The following MFSD1 variants were observed in gnomAD, a reference collection of about 807,000 sequenced individuals.
The protein encoded by MFSD1 is major facilitator superfamily domain containing 1, also known as lysosomal dipeptide transporter MFSD1.
MFSD1 carries 59 observed loss-of-function variants against 67.1 expected under a neutral mutation model. The observed-to-expected ratio is 0.88, with a 90% CI of 0.71 to 1.09. The LOEUF is 1.09. MFSD1 is among the 50% of genes least tolerant of loss of function. MFSD1 has a pLI of 0.00. For synonymous variants in MFSD1, 213 were observed against 200.3 expected (o/e 1.06, Z -0.54); for missense variants, 552 against 566.1 (o/e 0.97, Z 0.25).
chr3:158,820,578 A>G (rs61796779), intron 9 of MFSD1, among the ~76,000 whole-genome samples: 31,949 of 152,166 alleles, frequency 0.21, 3,582 homozygotes, highest in Middle Eastern at 0.34. Flanking sequence ...AAACTGCCCC[A>G]GATAGGGTAA....
chr3:158,809,061 G>A (rs971994412), intron 5 of MFSD1, 118 bp from the exon 6 acceptor site: 1 of 644,510 alleles, frequency 1.6e-6, no homozygotes, highest in Non-Finnish European at 2.6e-6. Context: ...AAGGGGAGGG[G>A]ACAGAGGCCC....
intron 9 of MFSD1, 107 bp from the exon 10 acceptor site, chr3:158,821,490 A>G (rs1730664402): frequency 2.8e-6 from 2 of 714,278 alleles, no homozygotes; most frequent in Admixed American, 5.5e-5. Flanking sequence ...GGAGAATAAT[A>G]TCAAGAAAGA....
chr3:158,812,137 T>C (rs1576902745), intron 6 of MFSD1, among the ~76,000 whole-genome samples: 1 of 152,050 alleles, frequency 6.6e-6, no homozygotes, highest in Non-Finnish European at 1.5e-5. Flanking sequence ...AGAAGTGCAC[T>C]GAAGGTATAT....
intron 6 of MFSD1, 42 bp from the exon 7 acceptor site, chr3:158,813,923 A>G (rs2108216651): frequency 1.4e-6 from 2 of 1,402,018 alleles, no homozygotes; most frequent in South Asian, 1.2e-5. Context: ...AGAGATATAT[A>G]TGATTTAAAA....
chr3:158,805,436 C>G lies in MFSD1; in HGVS notation c.291C>G (p.Phe97Leu), dbSNP rs1324129102. 6.2e-7 allele frequency: 1 copy of G among 1,613,834 alleles called. No homozygotes were observed. Among genetic ancestry groups the G allele is most frequent in the Admixed American group, 1.7e-5 (1 of 59,992 alleles). ...WYSWPNVVLC[F>L]FGGFLIDRVF... is the part of the protein sequence containing the mutation. ...CTTGGCCCAATGTAGTTTTGTGTTT[C>G]TTTGGTGGCTTTTTGATAGACCGAG... The change falls in exon 3 of 16, where the codon TTC becomes TTG. Residue 97 changes from phenylalanine (F) to leucine (L), a missense_variant. Coordinates refer to ENST00000415822, the MANE Select transcript of MFSD1 (RefSeq NM_022736.4).
Position 158,802,357 on chromosome 3 carries a change from C to G in MFSD1, c.163+42C>G, listed in dbSNP as rs753981962. 3.1e-6 allele frequency: 5 copies of G among 1,606,568 alleles called. No individual in the cohort carries two copies. In the East Asian group the frequency reaches 8.9e-5, roughly 29 times the overall value. ...GGTTGGGGCTGATCTTTAAGGAATTCCCGACTTTCTCTTCGAGGTAGATCG... is the reference window on the plus strand; with the variant it reads ...GGTTGGGGCTGATCTTTAAGGAATTGCCGACTTTCTCTTCGAGGTAGATCG... On this transcript the variant is annotated intron_variant, in intron 1 of 15. Coordinates refer to ENST00000415822, the MANE Select transcript of MFSD1 (RefSeq NM_022736.4).
At chr3:158,825,868 A>T in intron 13 of MFSD1, 147 bp from the exon 14 acceptor site, 1 of 671,640 alleles carries the variant, frequency 1.5e-6, no homozygotes, top group Non-Finnish European at 2.5e-6. Flanking sequence ...GCTTTTGGAA[A>T]ATAAAATAAT....
At chr3:158,809,022 T>G in intron 5 of MFSD1, 157 bp from the exon 6 acceptor site, 1 of 527,558 alleles carries the variant, frequency 1.9e-6, no homozygotes, top group African/African-American at 1.9e-5. Context: ...ATTCTATTGG[T>G]TGAAGTAGTC....
intron 3 of MFSD1, among the ~76,000 whole-genome samples, 179 bp downstream of exon 3, chr3:158,805,653 A>G (rs1406068299): frequency 1.3e-5 from 2 of 152,224 alleles, no homozygotes; most frequent in Non-Finnish European, 2.9e-5. Flanking sequence ...GTGGTATTTC[A>G]GTTAAGGTCA....
chr3:158,822,158 C>T lies in MFSD1; in HGVS notation c.1077+18C>T, dbSNP rs1730715582. On this transcript the variant is annotated intron_variant, in intron 11 of 15. Transcript: ENST00000415822. ...TTGCTATGGTAACGTCTGTGTTAGC[C>T]CATGGTGGGGTCAGGGCTTCAGCAA... is the stretch of plus-strand genomic sequence containing the variant. 1 of 1,594,466 alleles carries T rather than the reference C, an allele frequency of 6.3e-7. No individual in the cohort carries two copies. Among genetic ancestry groups the T allele is most frequent in the Non-Finnish European group, 8.6e-7 (1 of 1,165,258 alleles).
At chr3:158,803,717 T>C (rs1055172218) in intron 1 of MFSD1, among the ~76,000 whole-genome samples, 26 of 152,218 alleles carry the variant, frequency 1.7e-4, no homozygotes, top group African/African-American at 6.3e-4. Context: ...TCCGAGTGCA[T>C]GGTCAGATCT....
At chr3:158,802,849 G>A (rs1008175112) in intron 1 of MFSD1, among the ~76,000 whole-genome samples, 2 of 152,082 alleles carry the variant, frequency 1.3e-5, no homozygotes, top group Non-Finnish European at 2.9e-5. Flanking sequence ...CACAGATGGG[G>A]CGCCACCACA....
At chr3:158,817,787 G>T (rs537677415) in intron 7 of MFSD1, among the ~76,000 whole-genome samples, 101 of 152,226 alleles carry the variant, frequency 6.6e-4, no homozygotes, top group African/African-American at 2.3e-3. Flanking sequence ...AGCCCGCATC[G>T]CCAAGTCAAT....
At chr3:158,827,961 A>T (rs1731090772) in intron 15 of MFSD1, among the ~76,000 whole-genome samples, 1 of 122,942 alleles carries the variant, frequency 8.1e-6, no homozygotes, top group Admixed American at 8.4e-5. Flanking sequence ...AGAGAGAGAG[A>T]GAGAGAGAGA....
rs1729493073 is a variant in MFSD1, at chr3:158,802,293, A to G, written c.141A>G (p.Leu47=). 2.5e-6 allele frequency: 4 copies of G among 1,610,860 alleles called. No homozygotes were observed. Among genetic ancestry groups the G allele is most frequent in the Non-Finnish European group, 3.4e-6 (4 of 1,178,268 alleles). Residue 47 remains leucine (L), a synonymous_variant, in exon 1 of 16, where the codon TTA becomes TTG. Coordinates refer to ENST00000415822, the MANE Select transcript of MFSD1 (RefSeq NM_022736.4). ...TGGCGCACCGGCTTTTGGTGCTGTT[A>G]CTGATGTGCTTCCTTGGCTTTGGTG... The part of the protein sequence containing the change: ...SRLAHRLLVL[L]LMCFLGFGSY...
chr3:158,823,104 A>G (rs1002237244), intron 11 of MFSD1: 2 of 266,788 alleles, frequency 7.5e-6, no homozygotes, highest in Non-Finnish European at 1.5e-5. Context: ...GCTTGCCTGA[A>G]ACATTGGTAA....
intron 7 of MFSD1, among the ~76,000 whole-genome samples, chr3:158,818,122 G>A (rs1730473449): frequency 6.6e-6 from 1 of 152,122 alleles, no homozygotes; most frequent in South Asian, 2.1e-4. Flanking sequence ...CCTGTGGTGT[G>A]CATTTGGCTG....
At chr3:158,803,798 A>AT (rs200525223) in intron 1 of MFSD1, among the ~76,000 whole-genome samples, 43 of 149,262 alleles carry the variant, frequency 2.9e-4, no homozygotes, top group African/African-American at 8.4e-4. Flanking sequence ...TCTCAGTTTC[A>AT]TTTTTTTTTC....
chr3:158,824,372 C>G (rs558180773), intron 13 of MFSD1, 136 bp downstream of exon 13: 202 of 668,086 alleles, frequency 3.0e-4, no homozygotes, highest in Admixed American at 4.5e-4. Flanking sequence ...ACTTTCTAGC[C>G]CTCTGAAGAT....
Sources: gnomAD v4.1 joint callset for allele counts (sites outside exome capture counted in the v4.1 genomes callset) on GRCh38, gnomAD v4.1.1 for gene constraint, MANE v1.5 for transcripts, NCBI Gene and HGNC (gene_info 2026-07-23, HGNC 2026-07-21) for gene names.